The following GLUD1 variants were observed in gnomAD, a reference collection of about 807,000 sequenced individuals.
GLUD1 encodes glutamate dehydrogenase 1, also known as glutamate dehydrogenase 1, mitochondrial.
Under a neutral mutation model 56.0 loss-of-function variants are expected in GLUD1, and 22 were observed. That is an observed-to-expected ratio of 0.39 (90% CI 0.28 to 0.56). GLUD1 has a LOEUF of 0.56. Among genes scored for constraint, GLUD1 ranks in the 20% least tolerant of loss-of-function variants. The pLI, the probability that GLUD1 is intolerant of heterozygous loss-of-function variation, is 0.58. For missense variants in GLUD1, 451 were observed against 732.0 expected (o/e 0.62, Z 4.43); for synonymous variants, 223 against 269.9 (o/e 0.83, Z 1.70).
chr10:87,072,422 G>A (rs1846264328), intron 4 of GLUD1, among the ~76,000 whole-genome samples: 1 of 152,150 alleles, frequency 6.6e-6, no homozygotes, highest in African/African-American at 2.4e-5. Flanking sequence ...GCTCAGGTCT[G>A]AGCCTCAATC....
intron 12 of GLUD1, 38 bp downstream of exon 12, chr10:87,053,304 G>A (rs200989814): frequency 7.0e-7 from 1 of 1,436,942 alleles, no homozygotes; most frequent in Non-Finnish European, 9.8e-7. Flanking sequence ...TGCACTTCAT[G>A]TGACTAGCTG....
chr10:87,085,571 G>A (rs1256250301), intron 1 of GLUD1, among the ~76,000 whole-genome samples: 8 of 151,988 alleles, frequency 5.3e-5, no homozygotes, highest in Non-Finnish European at 8.8e-5. Context: ...AAGAAAAAAC[G>A]GAAGAATACT....
intron 5 of GLUD1, among the ~76,000 whole-genome samples, chr10:87,063,234 C>T (rs763321933): frequency 6.6e-5 from 10 of 151,964 alleles, no homozygotes; most frequent in African/African-American, 1.2e-4. Context: ...CCACCACGCC[C>T]GGCTAATTTT....
chr10:87,071,187 T>G (rs990319607), intron 4 of GLUD1, among the ~76,000 whole-genome samples: 3 of 150,990 alleles, frequency 2.0e-5, no homozygotes, highest in African/African-American at 4.9e-5. Flanking sequence ...ATTCTTTTTG[T>G]TTTTTTTTAA....
chr10:87,059,003 G>T, intron 10 of GLUD1, 147 bp downstream of exon 10: 2 of 859,020 alleles, frequency 2.3e-6, no homozygotes, highest in Admixed American at 1.9e-5. Flanking sequence ...GTGCATTTTT[G>T]GTCTAAGTTT....
At chr10:87,091,491 G>T in intron 1 of GLUD1, 1 of 204,528 alleles carries the variant, frequency 4.9e-6, no homozygotes, top group Non-Finnish European at 8.6e-6. Context: ...CAAATCAGTC[G>T]CATATTCTCA....
At position 87,076,703 on chromosome 10, in the gene GLUD1, G is replaced by T. The variant is rs762329137; in HGVS notation, c.446-47C>A. 5.7e-6 allele frequency: 6 copies of T among 1,059,110 alleles called. No individual in the cohort carries two copies. In the South Asian group the frequency reaches 7.5e-5, roughly 13 times the overall value. The allele number at this position is 1,059,110 out of a possible 1,614,324, so 65.6% of individuals were successfully genotyped here. A position where few individuals can be genotyped will look rare whatever the true frequency, so the allele number is the denominator to read the frequency against. ...TGTGTTGGGGTGGGTGAGAAAGAAG[G>T]GGTTATATTTAGAACAAACTTAAGT... On this transcript the variant is annotated intron_variant, in intron 1 of 12. Transcript: ENST00000277865.
intron 1 of GLUD1, chr10:87,091,585 A>T: frequency 1.0e-6 from 1 of 967,656 alleles, no homozygotes; most frequent in Non-Finnish European, 1.2e-6. Context: ...TCAAATCCTT[A>T]ACACAGACAA....
In GLUD1 at chr10:87,059,277, T is replaced by A; in HGVS notation, c.1279-4A>T. ...CTCCAGCATTCAAGTAGAGATCCTATGCACAAAAATAAGACAAAGAAATTA... is the reference window on the plus strand; with the variant it reads ...CTCCAGCATTCAAGTAGAGATCCTAAGCACAAAAATAAGACAAAGAAATTA... On this transcript the variant is annotated splice_region_variant and splice_polypyrimidine_tract_variant and intron_variant, in intron 9 of 12. Coordinates refer to ENST00000277865, the MANE Select transcript of GLUD1 (RefSeq NM_005271.5). The A allele has an allele frequency of 6.2e-7, 1 of 1,613,486 alleles. No individual in the cohort carries two copies. The highest frequency in any genetic ancestry group is 8.5e-7 in the Non-Finnish European group (1 of 1,179,426).
intron 1 of GLUD1, among the ~76,000 whole-genome samples, 185 bp from the exon 2 acceptor site, chr10:87,076,841 G>C (rs117747924): frequency 0.012 from 1,790 of 152,266 alleles, 9 homozygotes; most frequent in Non-Finnish European, 0.017. Context: ...CATGAAAAAT[G>C]AATATAAAAC....
intron 6 of GLUD1, 200 bp from the exon 7 acceptor site, chr10:87,061,252 T>C: frequency 1.4e-6 from 1 of 690,920 alleles, no homozygotes; most frequent in Non-Finnish European, 2.6e-6. Context: ...GCGGGCATGG[T>C]GGCTCACGCT....
chr10:87,074,050 TAAAGG>T (rs1846314335), intron 4 of GLUD1, among the ~76,000 whole-genome samples: 1 of 151,686 alleles, frequency 6.6e-6, no homozygotes, highest in Non-Finnish European at 1.5e-5. Context: ...GCTTGAAAAT[TAAAGG>T]GTACATGACA....
chr10:87,069,299 G>C (rs7067639), intron 4 of GLUD1, among the ~76,000 whole-genome samples: 10 of 151,824 alleles, frequency 6.6e-5, no homozygotes, highest in Admixed American at 2.6e-4. Flanking sequence ...GGCGGATCAC[G>C]AGGTCAGGAG....
At chr10:87,071,913 A>C (rs1414071768) in intron 4 of GLUD1, among the ~76,000 whole-genome samples, 9 of 152,242 alleles carry the variant, frequency 5.9e-5, no homozygotes, top group Non-Finnish European at 7.3e-5. Context: ...CATTGAAAGA[A>C]ATCAAGAGAC....
At chr10:87,086,624 C>A (rs1354102765) in intron 1 of GLUD1, among the ~76,000 whole-genome samples, 1 of 151,378 alleles carries the variant, frequency 6.6e-6, no homozygotes, top group Non-Finnish European at 1.5e-5. Flanking sequence ...GAGATCAAGA[C>A]CATCCTGGCT....
intron 5 of GLUD1, among the ~76,000 whole-genome samples, chr10:87,066,234 T>C (rs1846072284): frequency 6.6e-6 from 1 of 152,160 alleles, no homozygotes; most frequent in Non-Finnish European, 1.5e-5. Context: ...AGTTGGAGGC[T>C]ATATTTCATG....
intron 4 of GLUD1, among the ~76,000 whole-genome samples, chr10:87,068,439 C>G (rs968369725): frequency 1.3e-5 from 2 of 152,206 alleles, no homozygotes; most frequent in African/African-American, 4.8e-5. Flanking sequence ...CATAGGATTT[C>G]TGAGTGTGCG....
In GLUD1 at chr10:87,060,516, G is replaced by C; in HGVS notation, c.1197+172C>G. 4.7e-6 allele frequency: 4 copies of C among 848,320 alleles called. No homozygotes were observed. The Admixed American group carries it at 7.7e-5, about 16-fold the overall frequency. 52.5% of individuals were successfully genotyped at this position (848,320 alleles called of 1,614,324 possible). A position where few individuals can be genotyped will look rare whatever the true frequency, so the allele number is the denominator to read the frequency against. ...GTAATGGTTGCACAACTCTGTGCCGGTAGCTAAAAGCCATTAAATTATGTA... is the reference window on the plus strand; with the variant it reads ...GTAATGGTTGCACAACTCTGTGCCGCTAGCTAAAAGCCATTAAATTATGTA... On this transcript the variant is annotated intron_variant, in intron 8 of 12. Coordinates refer to ENST00000277865, the MANE Select transcript of GLUD1 (RefSeq NM_005271.5).
intron 1 of GLUD1, among the ~76,000 whole-genome samples, chr10:87,090,409 G>A (rs1416543346): frequency 6.6e-6 from 1 of 152,144 alleles, no homozygotes; most frequent in Admixed American, 6.5e-5. Flanking sequence ...GTGAGCAGCT[G>A]TTTGTCTTCC....
Sources: allele counts gnomAD v4.1 joint callset (sites outside exome capture counted in the v4.1 genomes callset), GRCh38; gene constraint gnomAD v4.1.1; transcripts MANE v1.5; gene names NCBI Gene and HGNC (gene_info 2026-07-23, HGNC 2026-07-21).